The following GLMN variants were observed in gnomAD, a reference collection of about 807,000 sequenced individuals.
The protein encoded by GLMN is glomulin.
In GLMN, 75 loss-of-function variants were observed where a neutral mutation model predicts 87.8. The ratio of observed to expected loss-of-function variants is 0.85; its 90% CI spans 0.71 to 1.04. The LOEUF (loss-of-function observed/expected upper bound fraction) is 1.04. Among genes scored for constraint, GLMN ranks in the 50% least tolerant of loss-of-function variants. The pLI, the probability that GLMN is intolerant of heterozygous loss-of-function variation, is 0.00. For missense variants in GLMN, 588 were observed against 658.8 expected (o/e 0.89, Z 1.18); for synonymous variants, 206 against 221.6 (o/e 0.93, Z 0.63).
chr1:92,293,575 C>T (rs971217491), intron 3 of GLMN, among the ~76,000 whole-genome samples: 22 of 152,002 alleles, frequency 1.4e-4, no homozygotes, highest in African/African-American at 5.1e-4. Context: ...AAAAATAGAG[C>T]TACCATATGA....
the GLMN span, among the ~76,000 whole-genome samples, chr1:92,369,877 T>C: frequency 5.9e-5 from 9 of 152,236 alleles, no homozygotes; most frequent in Non-Finnish European, 1.3e-4. Flanking sequence ...GTAAACATTT[T>C]TATTTTGTAT....
chr1:92,330,764 A>G, the GLMN span, among the ~76,000 whole-genome samples: 1 of 152,064 alleles, frequency 6.6e-6, no homozygotes, highest in African/African-American at 2.4e-5. Context: ...TGGGTAGTCA[A>G]TTTTTAAAAA....
the GLMN span, among the ~76,000 whole-genome samples, chr1:92,344,576 A>AT: frequency 4.6e-5 from 7 of 151,320 alleles, no homozygotes; most frequent in Admixed American, 1.3e-4. Context: ...TTTAACACAC[A>AT]TTTTTTTTAT....
chr1:92,295,424 G>A (rs1413530082), intron 3 of GLMN, among the ~76,000 whole-genome samples: 1 of 151,450 alleles, frequency 6.6e-6, no homozygotes, highest in Non-Finnish European at 1.5e-5. Flanking sequence ...TATCTCTACT[G>A]AGCTCAAAAC....
In GLMN at chr1:92,266,474, T is replaced by C. The variant is rs78101774; in HGVS notation, c.1159A>G (p.Met387Val). Residue 387 changes from methionine (M) to valine (V), a missense_variant, in exon 13 of 19, where the codon ATG (methionine) becomes GTG (valine). Coordinates refer to ENST00000370360, the MANE Select transcript of GLMN (RefSeq NM_053274.3). ...IETLRKKSLA[M>V]LQLYINKLDS... ...AACTTGTTAATATACAGCTGAAGCA[T>C]AGCTAAACTCTTTTTCCTCTAAAAT... is the stretch of plus-strand genomic sequence containing the variant. The C allele has an allele frequency of 1.4e-3, 2,155 of 1,566,032 alleles. 28 individuals are homozygous for C. The African/African-American group carries it at 0.025, about 18-fold the overall frequency.
At chr1:92,323,538 T>C in the GLMN span, 1 of 1,613,656 alleles carries the variant, frequency 6.2e-7, no homozygotes, top group Non-Finnish European at 8.5e-7. Context: ...AATATGAATC[T>C]AGTTCTTCTA....
chr1:92,357,006 C>T, the GLMN span, among the ~76,000 whole-genome samples: 4 of 151,194 alleles, frequency 2.6e-5, no homozygotes, highest in Non-Finnish European at 5.9e-5. Flanking sequence ...GCAGAGGTTG[C>T]AGTGAGCTGA....
the GLMN span, among the ~76,000 whole-genome samples, chr1:92,306,870 A>T: frequency 6.6e-6 from 1 of 152,246 alleles, no homozygotes; most frequent in Non-Finnish European, 1.5e-5. Context: ...CCATTCAAAA[A>T]AATGTTTAAA....
chr1:92,269,047 T>C (rs1393333386), intron 9 of GLMN, among the ~76,000 whole-genome samples: 1 of 151,876 alleles, frequency 6.6e-6, no homozygotes, highest in South Asian at 2.1e-4. Flanking sequence ...ACCTCCCAAG[T>C]AGCTGGGACA....
chr1:92,291,330 A>G lies in GLMN; in HGVS notation c.285+88T>C, dbSNP rs941561327. The G allele has an allele frequency of 2.5e-6, 3 of 1,219,304 alleles. No individual in the cohort carries two copies. The African/African-American group carries it at 4.5e-5, about 18-fold the overall frequency. The allele number at this position is 1,219,304 out of a possible 1,614,324, so 75.5% of individuals were successfully genotyped here. A position where few individuals can be genotyped will look rare whatever the true frequency, so the allele number is the denominator to read the frequency against. On this transcript the variant is annotated intron_variant, in intron 4 of 18. Transcript: ENST00000370360. ...TCTGCATGTACTTTCATGAACCAAAAGCTTTCTTACCAAACAATAAACATT... is the reference window on the plus strand; with the variant it reads ...TCTGCATGTACTTTCATGAACCAAAGGCTTTCTTACCAAACAATAAACATT...
chr1:92,338,646 T>C, the GLMN span, among the ~76,000 whole-genome samples: 2 of 107,712 alleles, frequency 1.9e-5, no homozygotes, highest in Non-Finnish European at 1.9e-5. Flanking sequence ...GGCTGATCAT[T>C]GATTTTTTTT....
At chr1:92,290,492 G>A (rs1649282046) in intron 4 of GLMN, among the ~76,000 whole-genome samples, 186 bp from the exon 5 acceptor site, 1 of 152,182 alleles carries the variant, frequency 6.6e-6, no homozygotes, top group Non-Finnish European at 1.5e-5. Context: ...TGATGGTCAA[G>A]TAACTATAAA....
At chr1:92,302,330 GA>G (rs777891331), upstream of GLMN, among the ~76,000 whole-genome samples, 7,857 of 132,022 alleles carry the variant, frequency 0.06, 491 homozygotes, top group African/African-American at 0.17. Context: ...GGATGGGGGA[GA>G]AAAAAAAAAA....
intron 16 of GLMN, 140 bp downstream of exon 16, chr1:92,262,723 T>C (rs1655189676): frequency 3.7e-6 from 2 of 541,764 alleles, no homozygotes; most frequent in Admixed American, 3.1e-5. Flanking sequence ...TAACTTCAGG[T>C]TTCAGAATAA....
intron 8 of GLMN, among the ~76,000 whole-genome samples, chr1:92,270,864 AGAAACAAAAGAAGG>A (rs2100924510): frequency 6.6e-6 from 1 of 152,320 alleles, no homozygotes; most frequent in African/African-American, 2.4e-5. Context: ...CATTTAAACT[AGAAACAAAAGAAGG>A]TCTGTGTCAC....
At chr1:92,340,754 G>A in the GLMN span, among the ~76,000 whole-genome samples, 1 of 152,170 alleles carries the variant, frequency 6.6e-6, no homozygotes, top group South Asian at 2.1e-4. Flanking sequence ...AGTGAATAGA[G>A]CTGTCTTTTC....
At chr1:92,352,448 GT>G in the GLMN span, among the ~76,000 whole-genome samples, 131,150 of 151,946 alleles carry the variant, frequency 0.86, 57,023 homozygotes, top group East Asian at 1. Context: ...TCAGCAGGCT[GT>G]TTTTTTTTAA....
chr1:92,252,460 G>A (rs1416458347), intron 16 of GLMN, among the ~76,000 whole-genome samples: 1 of 152,168 alleles, frequency 6.6e-6, no homozygotes, highest in Non-Finnish European at 1.5e-5. Flanking sequence ...GTATTGGACA[G>A]TGCAAATCTA....
At position 92,289,113 on chromosome 1, in the gene GLMN, A is replaced by T. The variant is rs1323295030; in HGVS notation, c.433T>A (p.Leu145Ile). ...TGATTCCAAAGGGTAGACAATGCTA[A>T]TCCAATTGAATATGCCTTGTTATGA... Reference protein sequence around the residue: ...KLHNKAYSIGLALSTLWNQLS... With the variant: ...KLHNKAYSIGIALSTLWNQLS... The change falls in exon 6 of 19, where the codon TTA becomes ATA. Residue 145 changes from leucine to isoleucine, a missense_variant. Leu to Ile is a conservative substitution (Grantham distance 5). Coordinates refer to ENST00000370360, the MANE Select transcript of GLMN (RefSeq NM_053274.3). 6.2e-7 allele frequency: 1 copy of T among 1,607,994 alleles called. No homozygotes were observed. The highest frequency in any genetic ancestry group is 1.1e-5 in the South Asian group (1 of 90,988).
Sources: gnomAD v4.1 joint callset for allele counts (sites outside exome capture counted in the v4.1 genomes callset) on GRCh38, gnomAD v4.1.1 for gene constraint, MANE v1.5 for transcripts, NCBI Gene and HGNC (gene_info 2026-07-23, HGNC 2026-07-21) for gene names.